Variants in CERS6 observed in about 807,000 individuals in gnomAD.
The protein encoded by CERS6 is LAG1 homolog, ceramide synthase 6.
CERS6 carries 26 observed loss-of-function variants against 56.8 expected under a neutral mutation model. The observed-to-expected ratio is 0.46, with a 90% CI of 0.34 to 0.63. The LOEUF (loss-of-function observed/expected upper bound fraction) is 0.63. Ranked by LOEUF, CERS6 falls within the 30% of genes least tolerant of loss-of-function variation. The pLI, the probability that CERS6 is intolerant of heterozygous loss-of-function variation, is 0.01. For synonymous variants in CERS6, 164 were observed against 173.3 expected, an observed-to-expected ratio of 0.95 and a Z score of 0.42; for missense variants, 415 against 467.5, an observed-to-expected ratio of 0.89 and a Z score of 1.04.
intron 1 of CERS6, among the ~76,000 whole-genome samples, chr2:168,484,460 C>T (rs1694239787): frequency 1.3e-5 from 2 of 151,376 alleles, no homozygotes; most frequent in Admixed American, 1.3e-4. Context: ...GGATTACAGG[C>T]GTTGAGCCAC....
intron 3 of CERS6, among the ~76,000 whole-genome samples, chr2:168,601,993 C>G (rs1478442657): frequency 1.3e-5 from 2 of 152,212 alleles, no homozygotes; most frequent in African/African-American, 4.8e-5. Flanking sequence ...GTAAAATTTA[C>G]TGCCCTTTGA....
chr2:168,594,792 C>A (rs1442361672), intron 3 of CERS6, among the ~76,000 whole-genome samples: 4 of 152,138 alleles, frequency 2.6e-5, no homozygotes, highest in African/African-American at 9.7e-5. Flanking sequence ...CCCTGTGGAA[C>A]TAATAATGAG....
At chr2:168,493,883 A>G (rs1031046544) in intron 1 of CERS6, among the ~76,000 whole-genome samples, 1 of 151,396 alleles carries the variant, frequency 6.6e-6, no homozygotes, top group African/African-American at 2.4e-5. Flanking sequence ...CATATAATGC[A>G]AAAAGATGAC....
chr2:168,723,988 G>A (rs1683264710), intron 8 of CERS6, among the ~76,000 whole-genome samples: 1 of 152,204 alleles, frequency 6.6e-6, no homozygotes, highest in Non-Finnish European at 1.5e-5. Context: ...GATTTATCTG[G>A]TAGGAATTCC....
At chr2:168,704,898 G>T (rs73028466) in intron 6 of CERS6, among the ~76,000 whole-genome samples, 1 of 152,156 alleles carries the variant, frequency 6.6e-6, no homozygotes, top group Non-Finnish European at 1.5e-5. Flanking sequence ...GCACCCGGCC[G>T]CACCTTTGTT....
chr2:168,563,322 TA>T (rs1198625472), intron 3 of CERS6, among the ~76,000 whole-genome samples: 1 of 152,204 alleles, frequency 6.6e-6, no homozygotes, highest in Non-Finnish European at 1.5e-5. Context: ...CAGTCATAGT[TA>T]TGATCAATTA....
chr2:168,740,833 T>TG (rs1216780287), intron 8 of CERS6, among the ~76,000 whole-genome samples: 3 of 152,194 alleles, frequency 2.0e-5, no homozygotes, highest in Non-Finnish European at 2.9e-5. Flanking sequence ...AAGGTCTAAA[T>TG]GGGGACTGGA....
intron 1 of CERS6, among the ~76,000 whole-genome samples, chr2:168,500,266 A>T (rs1281234435): frequency 6.6e-6 from 1 of 152,230 alleles, no homozygotes; most frequent in Non-Finnish European, 1.5e-5. Context: ...AGTAGTTCAT[A>T]GATTGAGAGG....
Position 168,631,478 on chromosome 2 carries a change from T to C in CERS6, c.465+436T>C, listed in dbSNP as rs1451108191. Among the ~76,000 whole-genome samples the C allele has an allele frequency of 3.1e-4, 39 of 124,270 alleles. No individual in the cohort carries two copies. In the South Asian group the frequency reaches 4.0e-3, roughly 13 times the overall value. 81.5% of individuals were successfully genotyped at this position (124,270 alleles called of 152,430 possible). A position where few individuals can be genotyped will look rare whatever the true frequency, so the allele number is the denominator to read the frequency against. On this transcript the variant is annotated intron_variant, in intron 4 of 9. Coordinates refer to ENST00000305747, the MANE Select transcript of CERS6 (RefSeq NM_203463.3). ...TTATATAAAAATATAATATATAATA[T>C]ATAATATATAAACTATATATTAATA... is the stretch of plus-strand genomic sequence containing the variant.
chr2:168,538,421 C>T (rs552351579), intron 1 of CERS6, among the ~76,000 whole-genome samples: 2 of 152,094 alleles, frequency 1.3e-5, no homozygotes, highest in African/African-American at 2.4e-5. Flanking sequence ...CATTCTTGGC[C>T]GCTGTTCCTT....
chr2:168,601,205 A>G (rs1464906492), intron 3 of CERS6, among the ~76,000 whole-genome samples: 1 of 152,196 alleles, frequency 6.6e-6, no homozygotes, highest in Admixed American at 6.5e-5. Flanking sequence ...GCTTTCTTTT[A>G]CCACCTAGAA....
At chr2:168,737,712 T>C (rs1683759369) in intron 8 of CERS6, among the ~76,000 whole-genome samples, 1 of 152,210 alleles carries the variant, frequency 6.6e-6, no homozygotes, top group African/African-American at 2.4e-5. Context: ...CTGAATTCAA[T>C]ATTAAGCAGC....
At chr2:168,518,771 G>T (rs1694926889) in intron 1 of CERS6, among the ~76,000 whole-genome samples, 1 of 152,162 alleles carries the variant, frequency 6.6e-6, no homozygotes, top group Admixed American at 6.5e-5. Flanking sequence ...CATTGAAAAT[G>T]GATCTGTTTC....
intron 3 of CERS6, among the ~76,000 whole-genome samples, chr2:168,626,209 C>A (rs1435187953): frequency 6.6e-6 from 1 of 152,064 alleles, no homozygotes; most frequent in East Asian, 1.9e-4. Context: ...CATTAAATGA[C>A]TTCCTATTTG....
At chr2:168,718,572 C>G (rs960623712) in intron 8 of CERS6, among the ~76,000 whole-genome samples, 2 of 152,202 alleles carry the variant, frequency 1.3e-5, no homozygotes, top group Non-Finnish European at 2.9e-5. Flanking sequence ...CAAATAGAGT[C>G]TTTGAATTAT....
intron 1 of CERS6, among the ~76,000 whole-genome samples, chr2:168,489,769 C>A (rs1407062679): frequency 1.3e-5 from 2 of 152,064 alleles, no homozygotes; most frequent in African/African-American, 4.8e-5. Flanking sequence ...TCCATTCATT[C>A]CATATCACCA....
intron 8 of CERS6, among the ~76,000 whole-genome samples, chr2:168,755,114 A>G (rs1038603378): frequency 6.6e-6 from 1 of 152,230 alleles, no homozygotes; most frequent in African/African-American, 2.4e-5. Context: ...GGAGAGAGGG[A>G]TTCCTAAAGA....
intron 1 of CERS6, among the ~76,000 whole-genome samples, chr2:168,492,056 T>A (rs1425617806): frequency 6.6e-6 from 1 of 152,254 alleles, no homozygotes; most frequent in East Asian, 1.9e-4. Flanking sequence ...TCTTTGCTAT[T>A]GTGAACAGTG....
intron 1 of CERS6, among the ~76,000 whole-genome samples, chr2:168,460,595 T>C (rs983090641): frequency 4.6e-5 from 7 of 152,206 alleles, no homozygotes; most frequent in African/African-American, 1.7e-4. Context: ...TGGGCTGTTA[T>C]CATTTATGCT....
Sources: gnomAD v4.1 joint callset for allele counts (sites outside exome capture counted in the v4.1 genomes callset) on GRCh38, gnomAD v4.1.1 for gene constraint, MANE v1.5 for transcripts, NCBI Gene and HGNC (gene_info 2026-07-23, HGNC 2026-07-21) for gene names.